The following CYP4F12 variants were observed in gnomAD, a reference collection of about 807,000 sequenced individuals.
CYP4F12 encodes the protein cytochrome P450 family 4 subfamily F member 12, also known as cytochrome P450 4F12.
CYP4F12 carries 60 observed loss-of-function variants against 56.5 expected under a neutral mutation model. That is an observed-to-expected ratio of 1.06 (90% CI 0.86 to 1.32). The LOEUF (loss-of-function observed/expected upper bound fraction) is 1.32. CYP4F12 is among the 40% of genes most tolerant of loss of function. The pLI, the probability that CYP4F12 is intolerant of heterozygous loss-of-function variation, is 0.00. For missense variants in CYP4F12, 711 were observed against 683.5 expected (o/e 1.04, Z -0.45); for synonymous variants, 263 against 264.9 (o/e 0.99, Z 0.07).
At chr19:15,696,249 C>T (rs371908662) in intron 11 of CYP4F12, 24 bp downstream of exon 11, 106 of 1,613,708 alleles carry the variant, frequency 6.6e-5, no homozygotes, top group Non-Finnish European at 8.6e-5. Context: ...CATTCACCAC[C>T]ACCACCCCCA....
At chr19:15,679,603 TG>T (rs2007172565) in intron 3 of CYP4F12, among the ~76,000 whole-genome samples, 1 of 152,264 alleles carries the variant, frequency 6.6e-6, no homozygotes, top group Non-Finnish European at 1.5e-5. Flanking sequence ...AGAGACTTTC[TG>T]GTTCTTCTCT....
intron 9 of CYP4F12, among the ~76,000 whole-genome samples, chr19:15,687,264 G>A (rs567865556): frequency 0.011 from 1,315 of 114,400 alleles, 16 homozygotes; most frequent in African/African-American, 0.044. Context: ...GCAACAGAGT[G>A]AGACTCTTTC....
At chr19:15,686,221 A>G (rs2007596468) in intron 9 of CYP4F12, among the ~76,000 whole-genome samples, 1 of 152,208 alleles carries the variant, frequency 6.6e-6, no homozygotes, top group Non-Finnish European at 1.5e-5. Context: ...AGGAGGCTGA[A>G]GTGGGATAAT....
intron 12 of CYP4F12, 77 bp downstream of exon 12, chr19:15,696,589 TC>T: frequency 1.3e-6 from 2 of 1,487,792 alleles, no homozygotes; most frequent in Non-Finnish European, 1.8e-6. Context: ...TTGCAGATGG[TC>T]CCAGTTCCAG....
rs201554483 is a variant in CYP4F12 at position 15,696,429 on chromosome 19, G to C, written c.1315-1G>C. On this transcript the variant is annotated splice_acceptor_variant, in intron 11 of 12. Coordinates refer to ENST00000550308, the MANE Select transcript of CYP4F12 (RefSeq NM_023944.4). LOFTEE classifies it high-confidence loss of function. ...GCAAACCTTCTTTGTCTCACCTGCA[G>C]GTCTACGACCCCTTCCGCTTTGACC... 9 of 1,614,144 alleles carry C rather than the reference G, an allele frequency of 5.6e-6. No homozygotes were observed. In the East Asian group the frequency reaches 1.8e-4, roughly 32 times the overall value.
Position 15,687,033 on chromosome 19 carries a change from T to C in CYP4F12, c.1115+1836T>C, listed in dbSNP as rs560483163. On this transcript the variant is annotated intron_variant, in intron 9 of 12. Transcript: ENST00000550308. ...TTCCTCATGCCTGTAATCCCAGCAC[T>C]TTGGAAGGCCGAGGCGGGCGGATCA... is the stretch of plus-strand genomic sequence containing the variant. Among the ~76,000 whole-genome samples, 84 of 152,290 alleles carry C rather than the reference T, an allele frequency of 5.5e-4. 2 individuals are homozygous for C. The South Asian group carries it at 0.017, about 31-fold the overall frequency.
chr19:15,690,486 C>T (rs544929410), intron 9 of CYP4F12, among the ~76,000 whole-genome samples: 22 of 152,116 alleles, frequency 1.4e-4, no homozygotes, highest in Non-Finnish European at 3.2e-4. Flanking sequence ...CTTTCTTCCT[C>T]CCTTCTCTGG....
intron 7 of CYP4F12, 134 bp downstream of exon 7, chr19:15,683,897 A>G: frequency 1.7e-6 from 2 of 1,203,456 alleles, no homozygotes; most frequent in Non-Finnish European, 2.3e-6. Context: ...GGTCACAGAT[A>G]GGTTTTAGAG....
chr19:15,694,698 T>C (rs2008039065), intron 9 of CYP4F12, among the ~76,000 whole-genome samples: 1 of 152,194 alleles, frequency 6.6e-6, no homozygotes, highest in African/African-American at 2.4e-5. Flanking sequence ...TCCTGCCTAA[T>C]TGCCCTGGCC....
intron 2 of CYP4F12, among the ~76,000 whole-genome samples, chr19:15,676,790 T>C (rs62106471): frequency 8.4e-4 from 8 of 9,540 alleles, no homozygotes; most frequent in Admixed American, 5.2e-3. Context: ...TCCTCACTCA[T>C]TCATTCCTTT....
At position 15,697,095 on chromosome 19, in the gene CYP4F12, C is replaced by A. The variant is rs2008189390; in HGVS notation, c.*10C>A. The A allele has an allele frequency of 1.2e-6, 2 of 1,605,494 alleles. No homozygotes were observed. Among genetic ancestry groups the A allele is most frequent in the African/African-American group, 2.7e-5 (2 of 74,592 alleles). ...TGTAAGCTTGCAGTGACTTTCTGAC[C>A]CATCCACCTGTTTTTTTGCAGATTG... On this transcript the variant is annotated 3_prime_UTR_variant, in exon 13 of 13. Coordinates refer to ENST00000550308, the MANE Select transcript of CYP4F12 (RefSeq NM_023944.4).
At chr19:15,691,425 A>G (rs1343542910) in intron 9 of CYP4F12, among the ~76,000 whole-genome samples, 1 of 152,258 alleles carries the variant, frequency 6.6e-6, no homozygotes, top group Non-Finnish European at 1.5e-5. Flanking sequence ...TTGCAAATCC[A>G]TCTCTATATT....
intron 9 of CYP4F12, among the ~76,000 whole-genome samples, chr19:15,694,945 G>T (rs369553704): frequency 1.0e-3 from 157 of 152,232 alleles, no homozygotes; most frequent in African/African-American, 3.6e-3. Flanking sequence ...TCAGTGTGGC[G>T]ATTCCTCAGG....
chr19:15,689,143 A>AATCATCATCATCATCATCATCATC (rs1555752474), intron 9 of CYP4F12, among the ~76,000 whole-genome samples: 1 of 150,688 alleles, frequency 6.6e-6, no homozygotes, highest in African/African-American at 2.5e-5. Flanking sequence ...TAATAATAAT[A>AATCATCATCATCATCATCATCATC]ATAGCCGACT....
chr19:15,676,065 C>G (rs1568413028), intron 2 of CYP4F12, among the ~76,000 whole-genome samples: 1 of 152,096 alleles, frequency 6.6e-6, no homozygotes, highest in Non-Finnish European at 1.5e-5. Context: ...GTTCTGAGGG[C>G]AGGAGAAGAC....
At chr19:15,686,544 A>T (rs978700827) in intron 9 of CYP4F12, among the ~76,000 whole-genome samples, 2 of 152,236 alleles carry the variant, frequency 1.3e-5, no homozygotes, top group South Asian at 2.1e-4. Flanking sequence ...ACAGAAGGAG[A>T]CAGAGAGAGA....
In CYP4F12 at chr19:15,683,752, CT is replaced by C. The variant is rs755384660; in HGVS notation, c.908del (p.Leu303ArgfsTer2). ...GACTTTGGATTTCATTGATGTGCTT[CT>C]GCTGAGCAAGGTAGGTTTCTCTATG... ...SKTLDFIDVLLLSKDEDGKAL... is the reference protein window; with the variant it reads ...SKTLDFIDVLXLSKDEDGKAL... On this transcript the variant is annotated frameshift_variant, in exon 7 of 13. Coordinates refer to ENST00000550308, the MANE Select transcript of CYP4F12 (RefSeq NM_023944.4). LOFTEE classifies it high-confidence loss of function. The C allele has an allele frequency of 6.4e-7, 1 of 1,555,886 alleles. No homozygotes were observed. Among genetic ancestry groups the C allele is most frequent in the Non-Finnish European group, 8.7e-7 (1 of 1,152,632 alleles).
intron 2 of CYP4F12, among the ~76,000 whole-genome samples, 196 bp downstream of exon 2, chr19:15,673,923 TCC>T (rs1476348111): frequency 0.47 from 48,041 of 103,058 alleles, 22,508 homozygotes; most frequent in South Asian, 0.51. Context: ...ACTCACTCAC[TCC>T]TCTACCCACT....
In CYP4F12 at chr19:15,673,164, A is replaced by G. The variant is rs946827621; in HGVS notation, c.-2+29A>G. On this transcript the variant is annotated intron_variant, in intron 1 of 12. Transcript: ENST00000550308. ...CCAGGCTGGGGGTGGCAGGGCTGGA[A>G]GGTCCTGGCCTGGGATGAAGAGGGG... 5.7e-5 allele frequency: 27 copies of G among 469,658 alleles called. 3 individuals are homozygous for G. The highest frequency in any genetic ancestry group is 4.2e-4 in the South Asian group (27 of 63,960). 29.1% of individuals were successfully genotyped at this position (469,658 alleles called of 1,614,324 possible).
Sources: allele counts gnomAD v4.1 joint callset (sites outside exome capture counted in the v4.1 genomes callset), GRCh38; gene constraint gnomAD v4.1.1; transcripts MANE v1.5; gene names NCBI Gene and HGNC (gene_info 2026-07-23, HGNC 2026-07-21).